The following ICA1L variants were observed in gnomAD, a reference collection of about 807,000 sequenced individuals.
ICA1L encodes the protein islet cell autoantigen 1-like protein.
In ICA1L, 50 loss-of-function variants were observed where a neutral mutation model predicts 61.3. That is an observed-to-expected ratio of 0.82 (90% confidence interval 0.65 to 1.03). The LOEUF is 1.03. ICA1L is among the 50% of genes least tolerant of loss of function. The probability of loss-of-function intolerance (pLI) is 0.00; values close to 1 mark genes in which losing one functional copy is unlikely to be tolerated. For synonymous variants in ICA1L, 161 were observed against 191.3 expected (o/e 0.84, Z 1.31); for missense variants, 508 against 556.7 (o/e 0.91, Z 0.88).
chr2:202,859,881 C>A (rs570611131), intron 1 of ICA1L, among the ~76,000 whole-genome samples: 1 of 152,014 alleles, frequency 6.6e-6, no homozygotes, highest in Non-Finnish European at 1.5e-5. Context: ...CATAATATCC[C>A]CAGAAAGCTA....
At chr2:202,794,506 T>C (rs1202202439) in intron 10 of ICA1L, among the ~76,000 whole-genome samples, 1 of 152,174 alleles carries the variant, frequency 6.6e-6, no homozygotes, top group East Asian at 1.9e-4. Context: ...CAGGAAACGT[T>C]CACTACTAGT....
chr2:202,865,374 CAGA>C (rs899958846), intron 1 of ICA1L, among the ~76,000 whole-genome samples: 4 of 151,078 alleles, frequency 2.6e-5, no homozygotes, highest in African/African-American at 7.3e-5. Flanking sequence ...GAGGCTGAGG[CAGA>C]AGAATAGCTT....
rs187150211 is a variant in ICA1L, at chr2:202,838,909, A to G, written c.-7-9893T>C. Among the ~76,000 whole-genome samples the G allele has an allele frequency of 6.6e-5, 10 of 152,222 alleles. No individual in the cohort carries two copies. The East Asian group carries it at 1.9e-3, about 29-fold the overall frequency. ...ATGGTAAGAAAAGGAGTAAGAGAAG[A>G]AGGGCGAGGCACAATACTCCCTTAA... is the stretch of plus-strand genomic sequence containing the variant. On this transcript the variant is annotated intron_variant, in intron 1 of 12. Coordinates refer to ENST00000358299, the MANE Select transcript of ICA1L (RefSeq NM_001288622.3).
At chr2:202,797,979 A>G (rs937031985) in intron 9 of ICA1L, among the ~76,000 whole-genome samples, 1 of 151,980 alleles carries the variant, frequency 6.6e-6, no homozygotes, top group South Asian at 2.1e-4. Flanking sequence ...TCTACTCTCT[A>G]CTTCTATGAG....
chr2:202,788,220 G>A (rs1692646031), intron 11 of ICA1L, among the ~76,000 whole-genome samples: 1 of 152,164 alleles, frequency 6.6e-6, no homozygotes, highest in Non-Finnish European at 1.5e-5. Context: ...GAATGAATTG[G>A]GGGTTGGAGA....
At chr2:202,839,614 GTGTGTT>G (rs1318689287) in intron 1 of ICA1L, among the ~76,000 whole-genome samples, 16 of 87,692 alleles carry the variant, frequency 1.8e-4, no homozygotes, top group Admixed American at 1.3e-4. Flanking sequence ...GTGTGTGTGT[GTGTGTT>G]TTGTTTTGTT....
At chr2:202,808,085 G>T (rs1693274003) in intron 9 of ICA1L, among the ~76,000 whole-genome samples, 1 of 152,190 alleles carries the variant, frequency 6.6e-6, no homozygotes, top group African/African-American at 2.4e-5. Flanking sequence ...TCTGCCTGAG[G>T]TAAGGAGAGG....
At position 202,776,385 on chromosome 2, in the gene ICA1L, TA is replaced by T. The variant is rs1429764443; in HGVS notation, c.*3147del. Reference sequence around the variant, plus strand: ...TATAGATATTTCTCCCCATTTAACATAAAAAATATCTATTTTGAGGGTTGTT... The same window carrying T: ...TATAGATATTTCTCCCCATTTAACATAAAAATATCTATTTTGAGGGTTGTT... On this transcript the variant is annotated 3_prime_UTR_variant, in exon 13 of 13. Coordinates refer to ENST00000358299, the MANE Select transcript of ICA1L (RefSeq NM_001288622.3). The T allele has an allele frequency of 6.6e-6, 1 of 151,766 alleles. No homozygotes were observed. Among genetic ancestry groups the T allele is most frequent in the Non-Finnish European group, 1.5e-5 (1 of 68,022 alleles). The allele number at this position is 151,766 out of a possible 1,614,324, so 9.4% of individuals were successfully genotyped here.
chr2:202,781,389 A>G (rs1692398148), intron 12 of ICA1L, among the ~76,000 whole-genome samples: 1 of 151,850 alleles, frequency 6.6e-6, no homozygotes, highest in Admixed American at 6.6e-5. Flanking sequence ...CCTGGCCAAC[A>G]TGGTGAAACC....
chr2:202,844,583 C>A (rs1321610077), intron 1 of ICA1L: 1 of 152,086 alleles, frequency 6.6e-6, no homozygotes, highest in South Asian at 2.1e-4. Context: ...TCACCAGAGG[C>A]TTCCCTGTAT....
At chr2:202,858,944 G>T (rs973163204) in intron 1 of ICA1L, among the ~76,000 whole-genome samples, 1 of 152,166 alleles carries the variant, frequency 6.6e-6, no homozygotes, top group African/African-American at 2.4e-5. Flanking sequence ...TTCTCAGGAC[G>T]TATCCCTGTT....
intron 1 of ICA1L, among the ~76,000 whole-genome samples, chr2:202,835,215 C>CTTTTTTTTTTTTTTTT (rs544503963): frequency 1.7e-5 from 2 of 120,658 alleles, no homozygotes; most frequent in Admixed American, 8.8e-5. Flanking sequence ...TGATTTCTTC[C>CTTTTTTTTTTTTTTTT]TTTTTTTTTT....
intron 9 of ICA1L, among the ~76,000 whole-genome samples, chr2:202,805,596 CAAAGT>C (rs554717892): frequency 7.6e-4 from 115 of 151,872 alleles, no homozygotes; most frequent in Middle Eastern, 3.4e-3. Flanking sequence ...AGAAAAACAT[CAAAGT>C]AAAGAGAAGA....
intron 9 of ICA1L, among the ~76,000 whole-genome samples, chr2:202,810,896 G>GA (rs1436224747): frequency 6.6e-6 from 1 of 152,106 alleles, no homozygotes; most frequent in Non-Finnish European, 1.5e-5. Flanking sequence ...TTAGGACGAG[G>GA]AAATTCCCGC....
chr2:202,788,695 T>C (rs529319425), intron 11 of ICA1L, 135 bp downstream of exon 11: 1 of 847,140 alleles, frequency 1.2e-6, no homozygotes, highest in Non-Finnish European at 1.9e-6. Flanking sequence ...AGTTGATTGG[T>C]GGACTGCAGA....
At chr2:202,863,766 G>T (rs200621990) in intron 1 of ICA1L, among the ~76,000 whole-genome samples, 1 of 151,066 alleles carries the variant, frequency 6.6e-6, no homozygotes, top group Non-Finnish European at 1.5e-5. Context: ...GGCGGAGCTT[G>T]CAGTGAGCCG....
intron 11 of ICA1L, among the ~76,000 whole-genome samples, chr2:202,788,540 G>A (rs74953535): frequency 4.3e-4 from 65 of 152,224 alleles, no homozygotes; most frequent in South Asian, 8.3e-4. Context: ...ACTGCCCTAG[G>A]TAGGAGTAAT....
At chr2:202,831,957 G>A (rs530633232) in intron 1 of ICA1L, among the ~76,000 whole-genome samples, 1 of 152,226 alleles carries the variant, frequency 6.6e-6, no homozygotes, top group South Asian at 2.1e-4. Flanking sequence ...AGCCAAAGAG[G>A]AGGAAACCCC....
Position 202,829,120 on chromosome 2 carries a change from G to A in ICA1L, c.-7-104C>T, listed in dbSNP as rs1230699638. 4 of 849,900 alleles carry A rather than the reference G, an allele frequency of 4.7e-6. No individual in the cohort carries two copies. The East Asian group carries it at 8.6e-5, about 18-fold the overall frequency. 52.6% of individuals were successfully genotyped at this position (849,900 alleles called of 1,614,324 possible). ...TTCCACAACTTTGGGAGGCTGAGGC[G>A]AGCGGATCACGCGGTCATGAGATCG... On this transcript the variant is annotated intron_variant, in intron 1 of 12. Transcript: ENST00000358299.
Sources: gnomAD v4.1 joint callset for allele counts (sites outside exome capture counted in the v4.1 genomes callset) on GRCh38, gnomAD v4.1.1 for gene constraint, MANE v1.5 for transcripts, NCBI Gene and HGNC (gene_info 2026-07-23, HGNC 2026-07-21) for gene names.